The following DDX59 variants were observed in gnomAD, a reference collection of about 807,000 sequenced individuals.
DDX59 encodes probable ATP-dependent RNA helicase DDX59.
Under a neutral mutation model 51.9 loss-of-function variants are expected in DDX59, and 30 were observed. The ratio of observed to expected loss-of-function variants is 0.58; its 90% CI spans 0.43 to 0.78. DDX59 has a LOEUF of 0.78. DDX59 is among the 30% of genes least tolerant of loss of function. The pLI, the probability that DDX59 is intolerant of heterozygous loss-of-function variation, is 0.00. For missense variants in DDX59, 672 were observed against 730.8 expected, an observed-to-expected ratio of 0.92 and a Z score of 0.93; for synonymous variants, 255 against 253.3, an observed-to-expected ratio of 1.01 and a Z score of -0.06.
chr1:200,659,098 CA>C lies in DDX59; in HGVS notation c.990del (p.Arg332AspfsTer5), dbSNP rs753275666. 2 of 1,613,294 alleles carry C rather than the reference CA, an allele frequency of 1.2e-6. No homozygotes were observed. The highest frequency in any genetic ancestry group is 8.5e-7 in the Non-Finnish European group (1 of 1,179,690). ...QQHVKVIIAT[P>X]GRLLDIIKQS... ...TGCTTTATTATATCCAGAAGTCGCCCAGGGGTTGCTATGATAACCTAAATAA... is the reference window on the plus strand; with the variant it reads ...TGCTTTATTATATCCAGAAGTCGCCCGGGGTTGCTATGATAACCTAAATAA... On this transcript the variant is annotated frameshift_variant, in exon 4 of 8. Transcript: ENST00000331314. LOFTEE classifies it high-confidence loss of function.
intron 5 of DDX59, among the ~76,000 whole-genome samples, chr1:200,650,000 G>A (rs1228271864): frequency 6.6e-6 from 1 of 151,774 alleles, no homozygotes; most frequent in Non-Finnish European, 1.5e-5. Flanking sequence ...GTGCCACCAC[G>A]CCTGGCTAAT....
chr1:200,659,462 C>A (rs1349397759), intron 3 of DDX59, among the ~76,000 whole-genome samples: 1 of 152,044 alleles, frequency 6.6e-6, no homozygotes, highest in Non-Finnish European at 1.5e-5. Flanking sequence ...GGCTGGGAGG[C>A]CAGTGAAGTT....
intron 7 of DDX59, among the ~76,000 whole-genome samples, chr1:200,648,158 G>T (rs1661413561): frequency 1.3e-5 from 2 of 151,494 alleles, no homozygotes; most frequent in African/African-American, 2.4e-5. Flanking sequence ...TGAGTAGTTG[G>T]GACTACAAGC....
intron 4 of DDX59, among the ~76,000 whole-genome samples, chr1:200,657,434 A>C (rs1267654272): frequency 2.0e-5 from 3 of 151,792 alleles, no homozygotes; most frequent in African/African-American, 7.3e-5. Context: ...CTGACTTTGC[A>C]GTAGCAGGAC....
intron 3 of DDX59, among the ~76,000 whole-genome samples, chr1:200,663,461 A>C (rs967562997): frequency 1.3e-4 from 20 of 152,232 alleles, no homozygotes; most frequent in African/African-American, 4.6e-4. Flanking sequence ...TTGCTTTTAC[A>C]TACTTTTACA....
Position 200,650,540 on chromosome 1 carries a change from T to G in DDX59, c.1199A>C (p.His400Pro). The G allele has an allele frequency of 6.2e-7, 1 of 1,614,152 alleles. No individual in the cohort carries two copies. The change falls in exon 5 of 8, where the codon CAT (histidine) becomes CCT (proline). Residue 400 changes from histidine (H) to proline (P), a missense_variant. By Grantham distance (77) the His-to-Pro change is moderately conservative. Coordinates refer to ENST00000331314, the MANE Select transcript of DDX59 (RefSeq NM_001031725.6). ...SIEQLASQLL[H>P]NPVRIITGEK... ...TCCAGTGATAATTCTCACAGGATTA[T>G]GCAGAAGCTGGCTTGCTAGCTGTTC...
intron 1 of DDX59, 85 bp downstream of exon 1, chr1:200,669,682 G>A (rs1663040288): frequency 6.6e-6 from 1 of 152,440 alleles, no homozygotes; most frequent in South Asian, 2.1e-4. Context: ...AGGGGCACCA[G>A]TTCTGCCGCC....
In DDX59 at chr1:200,651,183, T is replaced by A. The variant is rs116653749; in HGVS notation, c.1063-507A>T. Among the ~76,000 whole-genome samples, 509 of 152,226 alleles carry A rather than the reference T, an allele frequency of 3.3e-3. 2 individuals are homozygous for A. Among genetic ancestry groups the A allele is most frequent in the African/African-American group, 0.011 (466 of 41,552 alleles). On this transcript the variant is annotated intron_variant, in intron 4 of 7. Coordinates refer to ENST00000331314, the MANE Select transcript of DDX59 (RefSeq NM_001031725.6). Reference sequence around the variant, plus strand: ...GCTTTAAGGGAGGCAATTCTACTTTTAGTTTTTTGCAAAGTTTGTTTTTTT... The same window carrying A: ...GCTTTAAGGGAGGCAATTCTACTTTAAGTTTTTTGCAAAGTTTGTTTTTTT...
chr1:200,663,972 CA>C lies in DDX59; in HGVS notation c.918del (p.Val307Ter). On this transcript the variant is annotated frameshift_variant, in exon 3 of 8. Transcript: ENST00000331314. LOFTEE classifies it high-confidence loss of function. ...SGLPRMKTVL[L>X]VGGLPLPPQL... is the part of the protein sequence containing the mutation. ...TGTGGGGGTAAGGGTAAGCCCCCTA[CA>C]AGAAGCACAGTTTTCATGCGTGGCA... 6.2e-7 allele frequency: 1 copy of C among 1,614,198 alleles called. No homozygotes were observed. The highest frequency in any genetic ancestry group is 8.5e-7 in the Non-Finnish European group (1 of 1,180,032).
rs374572023 is a variant in DDX59 at position 200,652,720 on chromosome 1, G to A, written c.1063-2044C>T. On this transcript the variant is annotated intron_variant, in intron 4 of 7. Transcript: ENST00000331314. ...GGTCTTGCTCTGTCGCCAGGCTGGA[G>A]TGCAGGGGTGCAATCATGGCTCACT... Among the ~76,000 whole-genome samples the A allele has an allele frequency of 3.4e-5, 5 of 148,566 alleles. No individual in the cohort carries two copies. The East Asian group carries it at 6.0e-4, about 18-fold the overall frequency.
chr1:200,648,135 T>TCA (rs1661411828), intron 7 of DDX59, among the ~76,000 whole-genome samples: 2 of 151,886 alleles, frequency 1.3e-5, no homozygotes, highest in Non-Finnish European at 1.5e-5. Flanking sequence ...GCGATTTTCC[T>TCA]GCCTCAGCCT....
chr1:200,652,500 G>A (rs1280819668), intron 4 of DDX59, among the ~76,000 whole-genome samples: 1 of 151,966 alleles, frequency 6.6e-6, no homozygotes, highest in African/African-American at 2.4e-5. Context: ...TTTCCAAATA[G>A]CTAGGACTAC....
At chr1:200,642,436 A>G (rs541458421), downstream of DDX59, among the ~76,000 whole-genome samples, 1 of 152,324 alleles carries the variant, frequency 6.6e-6, no homozygotes, top group East Asian at 1.9e-4. Flanking sequence ...AGCTTTTTAA[A>G]AAGAAGATCT....
chr1:200,647,643 C>T (rs1661372048), intron 7 of DDX59, among the ~76,000 whole-genome samples: 1 of 151,108 alleles, frequency 6.6e-6, no homozygotes, highest in Admixed American at 6.6e-5. Flanking sequence ...ACATACTTAC[C>T]TTTCAAAAAC....
intron 4 of DDX59, among the ~76,000 whole-genome samples, chr1:200,653,506 A>G (rs1459906612): frequency 6.6e-6 from 1 of 152,144 alleles, no homozygotes; most frequent in Non-Finnish European, 1.5e-5. Context: ...CCATCCCATA[A>G]CCAATTCTCA....
At chr1:200,654,246 T>C (rs1273653093) in intron 4 of DDX59, among the ~76,000 whole-genome samples, 1 of 152,092 alleles carries the variant, frequency 6.6e-6, no homozygotes, top group African/African-American at 2.4e-5. Context: ...ATCTCATCTC[T>C]ACTAAAAATA....
chr1:200,645,919 T>A (rs1199659256), intron 7 of DDX59, among the ~76,000 whole-genome samples: 2 of 152,152 alleles, frequency 1.3e-5, no homozygotes, highest in Non-Finnish European at 2.9e-5. Flanking sequence ...ATACCTGACT[T>A]AATTAAATTA....
At chr1:200,660,986 A>C (rs1662339622) in intron 3 of DDX59, among the ~76,000 whole-genome samples, 1 of 152,242 alleles carries the variant, frequency 6.6e-6, no homozygotes, top group African/African-American at 2.4e-5. Flanking sequence ...TCCAATAGCA[A>C]TCAACGCACA....
intron 3 of DDX59, among the ~76,000 whole-genome samples, chr1:200,661,999 T>C (rs1211640701): frequency 6.6e-6 from 1 of 152,142 alleles, no homozygotes; most frequent in Non-Finnish European, 1.5e-5. Flanking sequence ...CCCACTCTCT[T>C]TCTTCCTCCT....
Sources: allele counts gnomAD v4.1 joint callset (sites outside exome capture counted in the v4.1 genomes callset), GRCh38; gene constraint gnomAD v4.1.1; transcripts MANE v1.5; gene names NCBI Gene and HGNC (gene_info 2026-07-23, HGNC 2026-07-21).